PCNX1: variants seen among roughly 807,000 people sequenced by gnomAD.
PCNX1 encodes pecanex 1.
In PCNX1, 78 loss-of-function variants were observed where a neutral mutation model predicts 242.2. That is an observed-to-expected ratio of 0.32 (90% confidence interval 0.27 to 0.39). The LOEUF is 0.39. Ranked by LOEUF, PCNX1 falls within the 10% of genes least tolerant of loss-of-function variation. PCNX1 has a pLI of 1.00. For missense variants in PCNX1, 2,581 were observed against 2,856.5 expected, an observed-to-expected ratio of 0.90 and a Z score of 2.20; for synonymous variants, 1,024 against 1,032.9, an observed-to-expected ratio of 0.99 and a Z score of 0.17.
chr14:71,063,547 T>G (rs2061375293), intron 26 of PCNX1, among the ~76,000 whole-genome samples: 1 of 152,200 alleles, frequency 6.6e-6, no homozygotes, highest in Admixed American at 6.6e-5. Context: ...ATGAGTATAC[T>G]CTTGCTCACA....
chr14:71,078,446 C>G (rs1016935252), intron 28 of PCNX1, among the ~76,000 whole-genome samples: 7 of 152,182 alleles, frequency 4.6e-5, no homozygotes, highest in Admixed American at 2.6e-4. Context: ...ATTAAAATTA[C>G]CTTCAATGGG....
chr14:70,981,118 A>G (rs1051462541), intron 6 of PCNX1, among the ~76,000 whole-genome samples: 3 of 152,158 alleles, frequency 2.0e-5, no homozygotes, highest in African/African-American at 7.2e-5. Flanking sequence ...TACAAACCTC[A>G]GCTTCCTCAT....
rs775413743 is a variant in PCNX1, at chr14:71,033,925, A to T, written c.3669-6A>T. ...GTATTTTCTGTTTTTTTTTCTTCACATAAAGCTCTTTAGTGCAATCCAAGA... is the reference window on the plus strand; with the variant it reads ...GTATTTTCTGTTTTTTTTTCTTCACTTAAAGCTCTTTAGTGCAATCCAAGA... On this transcript the variant is annotated splice_polypyrimidine_tract_variant and splice_region_variant and intron_variant, in intron 17 of 35. Transcript: ENST00000304743. 6.7e-7 allele frequency: 1 copy of T among 1,483,894 alleles called. No homozygotes were observed. Among genetic ancestry groups the T allele is most frequent in the Non-Finnish European group, 9.3e-7 (1 of 1,076,494 alleles). 91.9% of individuals were successfully genotyped at this position (1,483,894 alleles called of 1,614,324 possible).
chr14:71,107,065 C>T (rs1334152974), intron 33 of PCNX1, among the ~76,000 whole-genome samples: 1 of 151,742 alleles, frequency 6.6e-6, no homozygotes, highest in Non-Finnish European at 1.5e-5. Flanking sequence ...TTCCCTTTGA[C>T]ATGAGATCTA....
At chr14:70,976,222 GT>G (rs2058681437) in intron 5 of PCNX1, among the ~76,000 whole-genome samples, 1 of 152,194 alleles carries the variant, frequency 6.6e-6, no homozygotes, top group South Asian at 2.1e-4. Flanking sequence ...CTGTGACTCA[GT>G]GAAGTTGATG....
chr14:71,066,029 T>C lies in PCNX1; in HGVS notation c.4853-7516T>C, dbSNP rs140384143. Among the ~76,000 whole-genome samples, 1,366 of 152,290 alleles carry C rather than the reference T, an allele frequency of 9.0e-3. 10 individuals carry two copies. The highest frequency in any genetic ancestry group is 0.012 in the Non-Finnish European group (843 of 68,024). ...TGATTACTGTAGCCTTGTAGTATAG[T>C]TTGAAGTTAGGTAGCATGATGCCTC... On this transcript the variant is annotated intron_variant, in intron 26 of 35. Transcript: ENST00000304743.
chr14:70,970,328 C>T (rs1024827368), intron 5 of PCNX1, among the ~76,000 whole-genome samples: 1 of 150,296 alleles, frequency 6.7e-6, no homozygotes, highest in African/African-American at 2.5e-5. Flanking sequence ...GTAGTGCCAC[C>T]GCACTCCAGC....
rs1450804172 is a variant in PCNX1, at chr14:71,050,162, TTTC to T, written c.4339-487_4339-485del. Among the ~76,000 whole-genome samples, 17 of 115,198 alleles carry T rather than the reference TTTC, an allele frequency of 1.5e-4. No homozygotes were observed. In the East Asian group the frequency reaches 4.3e-3, roughly 29 times the overall value. The allele number at this position is 115,198 out of a possible 152,430, so 75.6% of individuals were successfully genotyped here. ...AAGCTTTGCAGACATCTTGATTTTTTTTCTTTTTTTTTATTTATTATTATTATA... is the reference window on the plus strand; with the variant it reads ...AAGCTTTGCAGACATCTTGATTTTTTTTTTTTTTTATTTATTATTATTATA... On this transcript the variant is annotated intron_variant, in intron 22 of 35. Transcript: ENST00000304743.
intron 6 of PCNX1, among the ~76,000 whole-genome samples, chr14:70,987,739 A>G (rs1227809132): frequency 6.6e-6 from 1 of 152,242 alleles, no homozygotes; most frequent in Non-Finnish European, 1.5e-5. Context: ...AGATCTGTGT[A>G]GTTCTACTAA....
chr14:71,026,268 C>T lies in PCNX1; in HGVS notation c.3335C>T (p.Ser1112Leu). 4 of 1,603,586 alleles carry T rather than the reference C, an allele frequency of 2.5e-6. No individual in the cohort carries two copies. Among genetic ancestry groups the T allele is most frequent in the Non-Finnish European group, 3.4e-6 (4 of 1,174,100 alleles). ...ITFTNPLVFISARDLVIVFTL... is the reference protein window; with the variant it reads ...ITFTNPLVFILARDLVIVFTL... ...TTCACCAATCCACTGGTGTTTATAT[C>T]AGCCAGGGATTTAGTTATAGGTGAG... Residue 1112 changes from serine (S) to leucine (L), a missense_variant, in exon 14 of 36, where the codon TCA (serine) becomes TTA (leucine). Coordinates refer to ENST00000304743, the MANE Select transcript of PCNX1 (RefSeq NM_014982.3).
At position 70,996,037 on chromosome 14, in the gene PCNX1, G is replaced by A. The variant is rs1049762390; in HGVS notation, c.2629+112G>A. The A allele has an allele frequency of 8.8e-6, 7 of 792,034 alleles. No individual in the cohort carries two copies. The African/African-American group carries it at 1.2e-4, about 13-fold the overall frequency. 49.1% of individuals were successfully genotyped at this position (792,034 alleles called of 1,614,324 possible). ...TTTCATTTTGGAACTATGCATAGGAGCACTTTTTACATAGGATTTACCCTA... is the reference window on the plus strand; with the variant it reads ...TTTCATTTTGGAACTATGCATAGGAACACTTTTTACATAGGATTTACCCTA... On this transcript the variant is annotated intron_variant, in intron 8 of 35. Coordinates refer to ENST00000304743, the MANE Select transcript of PCNX1 (RefSeq NM_014982.3).
At chr14:70,995,958 A>G (rs915527407) in intron 8 of PCNX1, 33 bp downstream of exon 8, 4 of 1,536,660 alleles carry the variant, frequency 2.6e-6, no homozygotes, top group African/African-American at 2.7e-5. Context: ...TGATGATACA[A>G]AAACTTTAAT....
intron 28 of PCNX1, among the ~76,000 whole-genome samples, chr14:71,081,987 G>C (rs1160843614): frequency 6.6e-6 from 1 of 151,978 alleles, no homozygotes; most frequent in African/African-American, 2.4e-5. Flanking sequence ...TTTTTTCTGT[G>C]GGCATTTAGT....
chr14:71,050,623 T>A (rs781335087), intron 22 of PCNX1, 29 bp from the exon 23 acceptor site: 2 of 1,538,812 alleles, frequency 1.3e-6, no homozygotes, highest in Admixed American at 2.2e-5. Flanking sequence ...TTTTTTTTTT[T>A]ACTGACAGCC....
At chr14:71,074,076 CAA>C (rs1566777386) in intron 27 of PCNX1, among the ~76,000 whole-genome samples, 1 of 152,160 alleles carries the variant, frequency 6.6e-6, no homozygotes, top group African/African-American at 2.4e-5. Flanking sequence ...TATGTACACA[CAA>C]ATACGCATAC....
At chr14:71,000,490 G>C (rs1046328654) in intron 8 of PCNX1, among the ~76,000 whole-genome samples, 4 of 150,692 alleles carry the variant, frequency 2.7e-5, no homozygotes, top group Admixed American at 1.3e-4. Context: ...TCACTTAGCA[G>C]TCTGAACATT....
intron 24 of PCNX1, among the ~76,000 whole-genome samples, chr14:71,053,136 A>G (rs927461883): frequency 3.9e-5 from 6 of 152,076 alleles, no homozygotes; most frequent in East Asian, 3.9e-4. Flanking sequence ...ACCACACATG[A>G]TATTTCCCAT....
chr14:70,936,055 CAGAGT>C (rs1328227192), intron 1 of PCNX1, among the ~76,000 whole-genome samples: 4 of 152,092 alleles, frequency 2.6e-5, no homozygotes, highest in African/African-American at 9.7e-5. Flanking sequence ...AAAGGCTATT[CAGAGT>C]ATTTTGTTTT....
chr14:71,089,451 G>A (rs2062072122), intron 30 of PCNX1, 109 bp downstream of exon 30: 1 of 789,860 alleles, frequency 1.3e-6, no homozygotes, highest in Admixed American at 2.7e-5. Context: ...CCCGAGACTG[G>A]GTAATTTATA....
Sources: allele counts gnomAD v4.1 joint callset (sites outside exome capture counted in the v4.1 genomes callset), GRCh38; gene constraint gnomAD v4.1.1; transcripts MANE v1.5; gene names NCBI Gene and HGNC (gene_info 2026-07-23, HGNC 2026-07-21).